Variants in ATRNL1 observed in about 807,000 individuals in gnomAD.
ATRNL1 encodes attractin like 1, also known as attractin-like protein 1.
Under a neutral mutation model 182.7 loss-of-function variants are expected in ATRNL1, and 95 were observed. The observed-to-expected ratio is 0.52, with a 90% CI of 0.44 to 0.62. The LOEUF is 0.62. Ranked by LOEUF, ATRNL1 falls within the 20% of genes least tolerant of loss-of-function variation. The pLI, the probability that ATRNL1 is intolerant of heterozygous loss-of-function variation, is 0.00. For synonymous variants in ATRNL1, 576 were observed against 568.3 expected, an observed-to-expected ratio of 1.01 and a Z score of -0.19; for missense variants, 1,471 against 1,679.5, an observed-to-expected ratio of 0.88 and a Z score of 2.17.
At chr10:115,425,285 A>G (rs1489973809) in intron 20 of ATRNL1, among the ~76,000 whole-genome samples, 3 of 151,504 alleles carry the variant, frequency 2.0e-5, no homozygotes, top group Non-Finnish European at 4.4e-5. Context: ...TAAACTTTTA[A>G]CTAGAGTTGA....
intron 26 of ATRNL1, among the ~76,000 whole-genome samples, chr10:115,651,216 A>G (rs1859977523): frequency 6.6e-6 from 1 of 152,132 alleles, no homozygotes; most frequent in Admixed American, 6.6e-5. Context: ...TATTCATGCT[A>G]CTAGACGTGG....
chr10:115,690,750 T>A (rs1267989770), intron 26 of ATRNL1, among the ~76,000 whole-genome samples: 1 of 152,206 alleles, frequency 6.6e-6, no homozygotes, highest in African/African-American at 2.4e-5. Context: ...GGTGCCCAGC[T>A]GCTGCTGCTT....
At chr10:115,751,196 G>A (rs566745902) in intron 27 of ATRNL1, among the ~76,000 whole-genome samples, 1 of 152,124 alleles carries the variant, frequency 6.6e-6, no homozygotes, top group South Asian at 2.1e-4. Context: ...TTTGAAGGTG[G>A]AAGGGGACTG....
At chr10:115,803,847 C>G (rs529207407) in intron 27 of ATRNL1, among the ~76,000 whole-genome samples, 2 of 152,166 alleles carry the variant, frequency 1.3e-5, no homozygotes, top group African/African-American at 2.4e-5. Context: ...TGTTTTTCTG[C>G]ACTCATTAAC....
At chr10:115,444,459 G>A (rs1394568198) in intron 21 of ATRNL1, among the ~76,000 whole-genome samples, 4 of 151,814 alleles carry the variant, frequency 2.6e-5, no homozygotes, top group African/African-American at 9.7e-5. Context: ...CTTTTTAGTT[G>A]TTTTATATTA....
intron 8 of ATRNL1, among the ~76,000 whole-genome samples, chr10:115,182,932 A>G (rs1463241430): frequency 6.6e-6 from 1 of 151,462 alleles, no homozygotes; most frequent in Non-Finnish European, 1.5e-5. Context: ...AAAAAATCTA[A>G]ACAACATAAC....
chr10:115,739,298 ACAG>A (rs1413981242), intron 27 of ATRNL1, among the ~76,000 whole-genome samples: 2 of 152,136 alleles, frequency 1.3e-5, no homozygotes, highest in African/African-American at 4.8e-5. Flanking sequence ...CTATTTTTAT[ACAG>A]CATCCTTGCA....
At position 115,112,057 on chromosome 10, in the gene ATRNL1, CA is replaced by C. The variant is rs200465560; in HGVS notation, c.294-8120del. 6.1e-5 allele frequency among the ~76,000 whole-genome samples: 8 copies of C among 132,062 alleles called. No individual in the cohort carries two copies. The East Asian group carries it at 1.7e-3, about 28-fold the overall frequency. The allele number at this position is 132,062 out of a possible 152,430, so 86.6% of individuals were successfully genotyped here. On this transcript the variant is annotated intron_variant, in intron 1 of 28. Coordinates refer to ENST00000355044, the MANE Select transcript of ATRNL1 (RefSeq NM_207303.4). Reference sequence around the variant, plus strand: ...TTTACAATAGCATCAAAAAACAAAACAAAAAAAACCCAAAAAAAAACTTACG... The same window carrying C: ...TTTACAATAGCATCAAAAAACAAAACAAAAAAACCCAAAAAAAAACTTACG...
At chr10:115,403,276 T>TTTTTTTTTTTTTTTG (rs1554957418) in intron 20 of ATRNL1, among the ~76,000 whole-genome samples, 1 of 140,174 alleles carries the variant, frequency 7.1e-6, no homozygotes, top group African/African-American at 2.5e-5. Flanking sequence ...TTTTTTTTTT[T>TTTTTTTTTTTTTTTG]AGTCTGCTAT....
chr10:115,549,600 C>T, intron 26 of ATRNL1, 64 bp downstream of exon 26: 1 of 1,087,934 alleles, frequency 9.2e-7, no homozygotes, highest in Non-Finnish European at 1.3e-6. Flanking sequence ...TCTCTATTGT[C>T]TGTTAATTAC....
intron 27 of ATRNL1, among the ~76,000 whole-genome samples, chr10:115,835,005 C>T (rs960805075): frequency 3.9e-5 from 6 of 152,084 alleles, no homozygotes; most frequent in African/African-American, 1.4e-4. Context: ...TTTAGTTCAC[C>T]TTCCACTTCT....
intron 27 of ATRNL1, among the ~76,000 whole-genome samples, chr10:115,762,027 A>G (rs989398633): frequency 6.6e-6 from 1 of 152,092 alleles, no homozygotes; most frequent in Non-Finnish European, 1.5e-5. Context: ...AACATCTCCA[A>G]ATTATGTAAA....
chr10:115,609,654 A>AT (rs146422990), intron 26 of ATRNL1, among the ~76,000 whole-genome samples: 3,163 of 151,026 alleles, frequency 0.021, 68 homozygotes, highest in East Asian at 0.12. Flanking sequence ...TCTCCTATTC[A>AT]TTTTTTTTTA....
intron 8 of ATRNL1, among the ~76,000 whole-genome samples, chr10:115,206,277 A>G (rs576376848): frequency 2.6e-5 from 4 of 152,194 alleles, no homozygotes; most frequent in Non-Finnish European, 5.9e-5. Flanking sequence ...TAATTGTTAC[A>G]TGCTTGGTGT....
chr10:115,511,721 G>T (rs1554982718), intron 24 of ATRNL1, among the ~76,000 whole-genome samples: 1 of 151,464 alleles, frequency 6.6e-6, no homozygotes, highest in Non-Finnish European at 1.5e-5. Context: ...TTAAAATATT[G>T]ATCATTATTA....
At chr10:115,930,156 A>G (rs1953351115) in intron 28 of ATRNL1, among the ~76,000 whole-genome samples, 1 of 152,158 alleles carries the variant, frequency 6.6e-6, no homozygotes, top group Non-Finnish European at 1.5e-5. Flanking sequence ...TTAATGTGAC[A>G]TTGTATGCCT....
chr10:115,367,581 G>A (rs1386065106), intron 19 of ATRNL1, among the ~76,000 whole-genome samples: 2 of 151,986 alleles, frequency 1.3e-5, no homozygotes, highest in Non-Finnish European at 2.9e-5. Flanking sequence ...TCCCTTTGGA[G>A]GAGGAGAGGA....
At position 115,266,790 on chromosome 10, in the gene ATRNL1, T is replaced by G; in HGVS notation, c.1773-7T>G. On this transcript the variant is annotated splice_region_variant and splice_polypyrimidine_tract_variant and intron_variant, in intron 11 of 28. Coordinates refer to ENST00000355044, the MANE Select transcript of ATRNL1 (RefSeq NM_207303.4). ...TTTCTTTAAGATTCTTGTTTTGTTT[T>G]TAATAGGTCCATGTATATATTTGGG... 6.5e-7 allele frequency: 1 copy of G among 1,535,522 alleles called. No individual in the cohort carries two copies. Among genetic ancestry groups the G allele is most frequent in the Admixed American group, 1.9e-5 (1 of 52,420 alleles).
intron 10 of ATRNL1, among the ~76,000 whole-genome samples, chr10:115,253,553 A>AT (rs1850974731): frequency 6.6e-6 from 1 of 152,066 alleles, no homozygotes; most frequent in South Asian, 2.1e-4. Flanking sequence ...ATAAAAATTT[A>AT]TTTTTCACCC....
Sources: gnomAD v4.1 joint callset for allele counts (sites outside exome capture counted in the v4.1 genomes callset) on GRCh38, gnomAD v4.1.1 for gene constraint, MANE v1.5 for transcripts, NCBI Gene and HGNC (gene_info 2026-07-23, HGNC 2026-07-21) for gene names.